Variants in CUL3 observed in about 807,000 individuals in gnomAD.
CUL3 encodes cullin-3.
Under a neutral mutation model 89.1 loss-of-function variants are expected in CUL3, and 19 were observed. That is an observed-to-expected ratio of 0.21 (90% CI 0.15 to 0.31). CUL3 has a LOEUF of 0.31. Among genes scored for constraint, CUL3 ranks in the 10% least tolerant of loss-of-function variants. The pLI is 1.00. For synonymous variants in CUL3, 351 were observed against 308.4 expected, an observed-to-expected ratio of 1.14 and a Z score of -1.45; for missense variants, 469 against 942.3, an observed-to-expected ratio of 0.50 and a Z score of 6.58.
intron 1 of CUL3, among the ~76,000 whole-genome samples, chr2:224,566,142 G>A (rs182389152): frequency 6.6e-6 from 1 of 152,094 alleles, no homozygotes; most frequent in Admixed American, 6.5e-5. Context: ...CTTCAGTTTT[G>A]AAGAACTCAT....
chr2:224,551,116 G>T (rs1443692182), intron 2 of CUL3, among the ~76,000 whole-genome samples: 1 of 150,018 alleles, frequency 6.7e-6, no homozygotes, highest in Non-Finnish European at 1.5e-5. Context: ...CAGTGCAGTA[G>T]TTCAGTAACA....
intron 1 of CUL3, among the ~76,000 whole-genome samples, chr2:224,583,629 G>A (rs905376769): frequency 1.3e-5 from 2 of 152,052 alleles, no homozygotes; most frequent in Non-Finnish European, 2.9e-5. Flanking sequence ...AAATTCCATC[G>A]TACCTATTTA....
chr2:224,536,855 T>C (rs1014608725), intron 2 of CUL3, among the ~76,000 whole-genome samples: 1 of 152,238 alleles, frequency 6.6e-6, no homozygotes, highest in African/African-American at 2.4e-5. Flanking sequence ...ACTCTGGTTC[T>C]TGTTTTATCA....
intron 4 of CUL3, among the ~76,000 whole-genome samples, chr2:224,513,930 G>A (rs930319510): frequency 1.3e-5 from 2 of 152,144 alleles, no homozygotes; most frequent in Admixed American, 6.5e-5. Context: ...AGGGAGAGAG[G>A]GAGATAGGCA....
At chr2:224,499,407 C>T (rs1692289182) in intron 11 of CUL3, 1 of 240,146 alleles carries the variant, frequency 4.2e-6, no homozygotes, top group African/African-American at 2.3e-5. Context: ...TTGTACAGTG[C>T]CTTCCACAAT....
intron 3 of CUL3, among the ~76,000 whole-genome samples, chr2:224,518,137 A>G (rs1420447188): frequency 6.6e-6 from 1 of 152,180 alleles, no homozygotes; most frequent in Non-Finnish European, 1.5e-5. Context: ...AATAGAAAGT[A>G]CTGGCAATTC....
chr2:224,478,077 A>T (rs974268889), intron 15 of CUL3, 123 bp downstream of exon 15: 1 of 971,566 alleles, frequency 1.0e-6, no homozygotes. Context: ...CATACATTTC[A>T]TAAGTGTTAC....
rs1027463839 is a variant in CUL3, at chr2:224,485,927, T to C, written c.1843-3849A>G. 2.0e-5 allele frequency among the ~76,000 whole-genome samples: 3 copies of C among 152,314 alleles called. No homozygotes were observed. Among genetic ancestry groups the C allele is most frequent in the Middle Eastern group, 3.4e-3 (1 of 294 alleles). On this transcript the variant is annotated intron_variant, in intron 13 of 15. Coordinates refer to ENST00000264414, the MANE Select transcript of CUL3 (RefSeq NM_003590.5). The surrounding 1 kb of genome is among the most constrained non-coding windows in gnomAD (Gnocchi z 4.1). The stretch of plus-strand genomic sequence containing the variant: ...CCAGAGGAAGGAGCAGGCAGCAATC[T>C]TTGCTGTTCTGCAGCCTCCACTGGT...
chr2:224,527,438 C>CT (rs1183566743), intron 3 of CUL3, among the ~76,000 whole-genome samples: 1 of 152,162 alleles, frequency 6.6e-6, no homozygotes, highest in African/African-American at 2.4e-5. Context: ...TCCACGGTAG[C>CT]TTTAGCAAAT....
At chr2:224,474,477 C>A in intron 15 of CUL3, 101 bp from the exon 16 acceptor site, 5 of 911,582 alleles carry the variant, frequency 5.5e-6, no homozygotes, top group African/African-American at 3.4e-5. Context: ...CTGAACTTTA[C>A]TAACTGGATT....
chr2:224,499,584 C>A, intron 11 of CUL3: 1 of 207,126 alleles, frequency 4.8e-6, no homozygotes, highest in South Asian at 9.7e-5. Context: ...GTCAAGAGAC[C>A]TTTTGTTTGG....
At chr2:224,543,803 G>A (rs936903357) in intron 2 of CUL3, among the ~76,000 whole-genome samples, 6 of 152,032 alleles carry the variant, frequency 3.9e-5, no homozygotes, top group African/African-American at 1.4e-4. Context: ...GGACAACATG[G>A]CAAAACCTCA....
chr2:224,484,536 A>T (rs1472126258), intron 13 of CUL3, among the ~76,000 whole-genome samples: 2 of 152,064 alleles, frequency 1.3e-5, no homozygotes, highest in Non-Finnish European at 2.9e-5. Flanking sequence ...GTCTATTTTT[A>T]ACTTAATGTA....
intron 2 of CUL3, among the ~76,000 whole-genome samples, chr2:224,538,608 A>G (rs1244603278): frequency 6.6e-6 from 1 of 152,214 alleles, no homozygotes; most frequent in African/African-American, 2.4e-5. Context: ...CCTATGGATT[A>G]AGTATGAACA....
chr2:224,567,962 A>T (rs1695087686), intron 1 of CUL3, among the ~76,000 whole-genome samples: 1 of 152,136 alleles, frequency 6.6e-6, no homozygotes, highest in South Asian at 2.1e-4. Context: ...CATTAAACCA[A>T]TGGGAATTCT....
At chr2:224,508,459 T>A (rs1346095470) in intron 6 of CUL3, among the ~76,000 whole-genome samples, 1 of 152,212 alleles carries the variant, frequency 6.6e-6, no homozygotes, top group Non-Finnish European at 1.5e-5. Context: ...ACCAAATACT[T>A]CTAACAAAAT....
At chr2:224,493,279 A>C (rs1692051854) in intron 13 of CUL3, among the ~76,000 whole-genome samples, 1 of 152,198 alleles carries the variant, frequency 6.6e-6, no homozygotes, top group South Asian at 2.1e-4. Context: ...CCTTCCTTTA[A>C]ATTATTATAA....
intron 8 of CUL3, among the ~76,000 whole-genome samples, chr2:224,504,946 CTGAGA>C (rs3081929): frequency 0.18 from 27,883 of 151,242 alleles, 2,863 homozygotes; most frequent in South Asian, 0.27. Flanking sequence ...CAACCATTTT[CTGAGA>C]TGAGATCTAC....
intron 15 of CUL3, among the ~76,000 whole-genome samples, chr2:224,477,564 T>G (rs1157132663): frequency 1.3e-5 from 2 of 152,230 alleles, no homozygotes; most frequent in Non-Finnish European, 2.9e-5. Context: ...TAAAGTCAAC[T>G]TGTACAAAAC....
Sources: gnomAD v4.1 joint callset for allele counts (sites outside exome capture counted in the v4.1 genomes callset) on GRCh38, gnomAD v4.1.1 for gene constraint, Gnocchi (gnomAD v3.1) non-coding constraint, MANE v1.5 for transcripts, NCBI Gene and HGNC (gene_info 2026-07-23, HGNC 2026-07-21) for gene names.